Variants in ASTN1 observed in about 807,000 individuals in gnomAD.
ASTN1 encodes the protein astrotactin-1.
A neutral mutation model predicts 140.7 loss-of-function variants in ASTN1; 41 were observed. The observed-to-expected ratio is 0.29, with a 90% CI of 0.23 to 0.38. The LOEUF is 0.38. ASTN1 is among the 10% of genes least tolerant of loss of function. The pLI is 1.00. For synonymous variants in ASTN1, 640 were observed against 652.2 expected, an observed-to-expected ratio of 0.98 and a Z score of 0.29; for missense variants, 1,479 against 1,678.8, an observed-to-expected ratio of 0.88 and a Z score of 2.08.
intron 11 of ASTN1, among the ~76,000 whole-genome samples, chr1:176,954,177 C>A (rs899070589): frequency 2.6e-5 from 4 of 152,134 alleles, no homozygotes; most frequent in African/African-American, 9.7e-5. Context: ...CCTCACATGG[C>A]AAAAGCGACT....
chr1:176,964,004 A>G (rs1478641657), intron 9 of ASTN1, among the ~76,000 whole-genome samples: 2 of 152,222 alleles, frequency 1.3e-5, no homozygotes, highest in Non-Finnish European at 2.9e-5. Flanking sequence ...TGGTTCTGTG[A>G]ATCTGCACTC....
intron 1 of ASTN1, among the ~76,000 whole-genome samples, chr1:177,149,542 A>T (rs1242330398): frequency 9.5e-5 from 7 of 73,710 alleles, no homozygotes; most frequent in African/African-American, 4.6e-4. Context: ...AAATATATAT[A>T]GTATATATAT....
chr1:177,122,703 C>T (rs1018536046), intron 1 of ASTN1, among the ~76,000 whole-genome samples: 8 of 152,164 alleles, frequency 5.3e-5, no homozygotes, highest in South Asian at 2.1e-4. Context: ...CAGTGGTCAG[C>T]GCTCTGTCCA....
At chr1:176,958,271 C>A (rs924235229) in intron 10 of ASTN1, 74 bp downstream of exon 10, 1 of 1,603,634 alleles carries the variant, frequency 6.2e-7, no homozygotes, top group Non-Finnish European at 8.5e-7. Flanking sequence ...TTCCCCAGCA[C>A]CTAAAACCTA....
intron 1 of ASTN1, among the ~76,000 whole-genome samples, chr1:177,129,729 G>A (rs1472630135): frequency 6.6e-6 from 1 of 152,172 alleles, no homozygotes; most frequent in African/African-American, 2.4e-5. Context: ...AGCACTTTGG[G>A]AGGCCGAGGC....
intron 14 of ASTN1, among the ~76,000 whole-genome samples, chr1:176,938,044 G>T (rs1417487811): frequency 6.6e-6 from 1 of 152,178 alleles, no homozygotes; most frequent in Non-Finnish European, 1.5e-5. Context: ...TGAATCAATT[G>T]CTTAAATTTT....
intron 7 of ASTN1, among the ~76,000 whole-genome samples, chr1:177,016,313 T>TA (rs35104433): frequency 0.35 from 44,368 of 127,014 alleles, 7,860 homozygotes; most frequent in Middle Eastern, 0.47. Flanking sequence ...TCTTCATTTG[T>TA]AAAAAAAAAA....
intron 20 of ASTN1, among the ~76,000 whole-genome samples, chr1:176,878,859 G>T (rs1668672638): frequency 6.6e-6 from 1 of 152,110 alleles, no homozygotes; most frequent in Non-Finnish European, 1.5e-5. Context: ...AAAGCCCCAG[G>T]ATTAACAATG....
intron 18 of ASTN1, among the ~76,000 whole-genome samples, chr1:176,885,477 TG>T (rs1353922019): frequency 2.0e-5 from 3 of 152,188 alleles, no homozygotes; most frequent in African/African-American, 7.2e-5. Context: ...TCAAGATGAC[TG>T]GATTCTGGGA....
chr1:176,859,779 C>T (rs891013771), downstream of ASTN1, among the ~76,000 whole-genome samples: 1 of 152,148 alleles, frequency 6.6e-6, no homozygotes, highest in African/African-American at 2.4e-5. Context: ...AGCAAAACTC[C>T]GTCTCACAAA....
At chr1:176,882,087 C>G (rs1489449986) in intron 20 of ASTN1, among the ~76,000 whole-genome samples, 1 of 152,202 alleles carries the variant, frequency 6.6e-6, no homozygotes, top group African/African-American at 2.4e-5. Flanking sequence ...CTCTGCGTCA[C>G]AAACATTTTA....
At chr1:176,904,855 G>A (rs1202710585) in intron 16 of ASTN1, among the ~76,000 whole-genome samples, 2 of 151,892 alleles carry the variant, frequency 1.3e-5, no homozygotes, top group Non-Finnish European at 2.9e-5. Context: ...CATCAGCCTG[G>A]ACCTCGGCTG....
intron 13 of ASTN1, 95 bp downstream of exon 13, chr1:176,945,831 C>T (rs1410545716): frequency 3.8e-5 from 49 of 1,282,706 alleles, no homozygotes; most frequent in Middle Eastern, 3.9e-4. Flanking sequence ...CATATTTACC[C>T]TGCTCCAACA....
intron 22 of ASTN1, among the ~76,000 whole-genome samples, chr1:176,866,196 G>A (rs1200588961): frequency 1.3e-5 from 2 of 152,200 alleles, no homozygotes; most frequent in Non-Finnish European, 2.9e-5. Context: ...TCTAAAGGGT[G>A]AGCTGGGAGA....
chr1:176,905,287 G>A (rs1412289282), intron 16 of ASTN1, among the ~76,000 whole-genome samples: 1 of 152,206 alleles, frequency 6.6e-6, no homozygotes, highest in Non-Finnish European at 1.5e-5. Context: ...ATGCAGGCGG[G>A]TGTCTCTCAC....
At chr1:177,002,500 A>G (rs1008095101) in intron 8 of ASTN1, among the ~76,000 whole-genome samples, 1 of 152,162 alleles carries the variant, frequency 6.6e-6, no homozygotes, top group Admixed American at 6.5e-5. Flanking sequence ...CAGGAGTATG[A>G]GCACTCTCTA....
chr1:177,151,270 A>G (rs754951774), intron 1 of ASTN1, among the ~76,000 whole-genome samples: 1 of 152,118 alleles, frequency 6.6e-6, no homozygotes, highest in African/African-American at 2.4e-5. Context: ...AAAAAAATCT[A>G]TTCTCTCTTT....
chr1:177,108,347 CAAAAA>C (rs71129596), intron 1 of ASTN1, among the ~76,000 whole-genome samples: 1 of 98,596 alleles, frequency 1.0e-5, no homozygotes. Flanking sequence ...GACTCCGTCT[CAAAAA>C]AAAAAAAAAA....
chr1:177,078,427 G>T (rs574021514), intron 1 of ASTN1, among the ~76,000 whole-genome samples: 2 of 152,206 alleles, frequency 1.3e-5, no homozygotes, highest in South Asian at 4.2e-4. Context: ...GGGAGATCTG[G>T]AATGCTCAGA....
Sources: allele counts gnomAD v4.1 joint callset (sites outside exome capture counted in the v4.1 genomes callset), GRCh38; gene constraint gnomAD v4.1.1; transcripts MANE v1.5; gene names NCBI Gene and HGNC (gene_info 2026-07-23, HGNC 2026-07-21).